RASAL2: variants seen among roughly 807,000 people sequenced by gnomAD.
RASAL2 encodes ras GTPase-activating protein nGAP.
RASAL2 carries 58 observed loss-of-function variants against 128.9 expected under a neutral mutation model. That is an observed-to-expected ratio of 0.45 (90% CI 0.36 to 0.56). The LOEUF (loss-of-function observed/expected upper bound fraction) is 0.56, where lower values mean the gene tolerates loss of function less well. Among genes scored for constraint, RASAL2 ranks in the 20% least tolerant of loss-of-function variants. RASAL2 has a pLI of 0.00. For synonymous variants in RASAL2, 561 were observed against 580.8 expected, an observed-to-expected ratio of 0.97 and a Z score of 0.49; for missense variants, 1,360 against 1,601.6, an observed-to-expected ratio of 0.85 and a Z score of 2.57.
chr1:178,217,496 A>G (rs1424586650), intron 1 of RASAL2, among the ~76,000 whole-genome samples: 1 of 152,196 alleles, frequency 6.6e-6, no homozygotes, highest in African/African-American at 2.4e-5. Context: ...TTGTACATTT[A>G]TGAGTTTTGA....
chr1:178,335,742 T>A (rs1385398305), intron 3 of RASAL2, among the ~76,000 whole-genome samples: 2 of 152,182 alleles, frequency 1.3e-5, no homozygotes, highest in Non-Finnish European at 2.9e-5. Flanking sequence ...AAGTGGAATG[T>A]CCTTTTGAAA....
chr1:178,398,056 G>T (rs1198367303), intron 4 of RASAL2, among the ~76,000 whole-genome samples: 2 of 151,870 alleles, frequency 1.3e-5, no homozygotes, highest in Non-Finnish European at 2.9e-5. Context: ...ATTATAAATT[G>T]AAATAATGTT....
At chr1:178,188,559 G>A (rs1183986678) in intron 1 of RASAL2, among the ~76,000 whole-genome samples, 1 of 152,078 alleles carries the variant, frequency 6.6e-6, no homozygotes, top group East Asian at 1.9e-4. Flanking sequence ...TTCATTTTTA[G>A]TACGATATTA....
At chr1:178,145,399 T>C (rs1024700530) in intron 1 of RASAL2, among the ~76,000 whole-genome samples, 2 of 152,074 alleles carry the variant, frequency 1.3e-5, no homozygotes, top group African/African-American at 4.8e-5. Context: ...AGAGAGTATT[T>C]CTCTTAAAGT....
chr1:178,350,666 T>C (rs1670418763), intron 3 of RASAL2, among the ~76,000 whole-genome samples: 1 of 152,186 alleles, frequency 6.6e-6, no homozygotes, highest in Non-Finnish European at 1.5e-5. Flanking sequence ...GTTCAGGTTG[T>C]CAGCAGGATT....
intron 1 of RASAL2, among the ~76,000 whole-genome samples, chr1:178,140,940 A>T (rs541916756): frequency 6.6e-6 from 1 of 152,336 alleles, no homozygotes; most frequent in East Asian, 1.9e-4. Context: ...CTGGCATCAG[A>T]TTCTGGTGAG....
chr1:178,346,818 C>T (rs1445374364), intron 3 of RASAL2, among the ~76,000 whole-genome samples: 2 of 152,090 alleles, frequency 1.3e-5, no homozygotes, highest in African/African-American at 4.8e-5. Flanking sequence ...GCTATCATTA[C>T]AAGGAATGAA....
At chr1:178,311,291 G>T (rs1668238195) in intron 3 of RASAL2, among the ~76,000 whole-genome samples, 1 of 93,240 alleles carries the variant, frequency 1.1e-5, no homozygotes, top group African/African-American at 4.7e-5. Flanking sequence ...CACACACATT[G>T]AAAGCTGAAA....
chr1:178,239,668 T>A (rs1275428010), intron 1 of RASAL2, among the ~76,000 whole-genome samples: 1 of 152,060 alleles, frequency 6.6e-6, no homozygotes, highest in Non-Finnish European at 1.5e-5. Flanking sequence ...CAAGGGACTT[T>A]TGAGGACACT....
At chr1:178,432,379 G>T (rs538810107) in intron 5 of RASAL2, among the ~76,000 whole-genome samples, 1 of 151,978 alleles carries the variant, frequency 6.6e-6, no homozygotes, top group South Asian at 2.1e-4. Flanking sequence ...CCTTTCTTGA[G>T]ATCCCTCTTT....
chr1:178,279,855 AT>A (rs1473520001), intron 1 of RASAL2, among the ~76,000 whole-genome samples: 1 of 152,178 alleles, frequency 6.6e-6, no homozygotes, highest in Non-Finnish European at 1.5e-5. Flanking sequence ...TTCTGATGAG[AT>A]CAAAACTTTT....
Position 178,474,145 on chromosome 1 carries a change from C to G in RASAL2, c.*906C>G, listed in dbSNP as rs895364925. The G allele has an allele frequency of 1.3e-5, 2 of 152,664 alleles. No individual in the cohort carries two copies. The highest frequency in any genetic ancestry group is 2.9e-5 in the Non-Finnish European group (2 of 68,050). 9.5% of individuals were successfully genotyped at this position (152,664 alleles called of 1,614,324 possible). On this transcript the variant is annotated 3_prime_UTR_variant, in exon 18 of 18. Transcript: ENST00000367649. ...CCATAGTGGGAGCTGTCATCACCAA[C>G]AGGGTTTACTCTCCCCTGGAGAGGT...
At chr1:178,270,509 C>T (rs141234988) in intron 1 of RASAL2, among the ~76,000 whole-genome samples, 205 of 151,272 alleles carry the variant, frequency 1.4e-3, no homozygotes, top group African/African-American at 4.8e-3. Flanking sequence ...TAAAAAATAT[C>T]TTATTTTTGT....
chr1:178,111,520 G>A (rs1227486167), intron 1 of RASAL2, among the ~76,000 whole-genome samples: 2 of 151,976 alleles, frequency 1.3e-5, no homozygotes, highest in Non-Finnish European at 2.9e-5. Context: ...AGCAGTGTAC[G>A]TAGGTTCCAT....
At chr1:178,335,807 A>C (rs1669558881) in intron 3 of RASAL2, among the ~76,000 whole-genome samples, 2 of 152,192 alleles carry the variant, frequency 1.3e-5, no homozygotes, top group Admixed American at 6.5e-5. Context: ...ATTAATACAC[A>C]CTGAGGAAAA....
chr1:178,394,460 G>A (rs965670084), intron 4 of RASAL2, among the ~76,000 whole-genome samples: 2 of 152,136 alleles, frequency 1.3e-5, no homozygotes, highest in Non-Finnish European at 2.9e-5. Flanking sequence ...TTTTGGAACA[G>A]GCTTTTTTCT....
At chr1:178,379,108 G>T (rs1672144879) in intron 3 of RASAL2, among the ~76,000 whole-genome samples, 1 of 152,038 alleles carries the variant, frequency 6.6e-6, no homozygotes, top group African/African-American at 2.4e-5. Context: ...TTATAAAAAA[G>T]ACCTTTTTGA....
At chr1:178,464,591 T>TGTGTGTGTGA (rs1348717693) in intron 15 of RASAL2, among the ~76,000 whole-genome samples, 179 bp downstream of exon 15, 1 of 147,498 alleles carries the variant, frequency 6.8e-6, no homozygotes, top group African/African-American at 2.7e-5. Context: ...TGTGTGTGTG[T>TGTGTGTGTGA]GTGTGTGTGA....
intron 1 of RASAL2, among the ~76,000 whole-genome samples, chr1:178,250,847 A>G (rs1355715015): frequency 3.3e-5 from 5 of 152,128 alleles, no homozygotes; most frequent in African/African-American, 1.2e-4. Flanking sequence ...TAAAGACCAT[A>G]AAGTCTTCGA....
Sources: gnomAD v4.1 joint callset for allele counts (sites outside exome capture counted in the v4.1 genomes callset) on GRCh38, gnomAD v4.1.1 for gene constraint, MANE v1.5 for transcripts, NCBI Gene and HGNC (gene_info 2026-07-23, HGNC 2026-07-21) for gene names.